The following SREBF1 variants were observed in gnomAD, a reference collection of about 807,000 sequenced individuals.
SREBF1 encodes sterol regulatory element binding transcription factor 1, also known as sterol regulatory element-binding protein 1.
Under a neutral mutation model 100.1 loss-of-function variants are expected in SREBF1, and 45 were observed. The observed-to-expected ratio is 0.45, with a 90% CI of 0.35 to 0.58. SREBF1 has a LOEUF of 0.58. SREBF1 is among the 20% of genes least tolerant of loss of function. The probability of loss-of-function intolerance (pLI) is 0.00; values close to 1 mark genes in which losing one functional copy is unlikely to be tolerated. For synonymous variants in SREBF1, 657 were observed against 681.8 expected, an observed-to-expected ratio of 0.96 and a Z score of 0.57; for missense variants, 1,324 against 1,539.4, an observed-to-expected ratio of 0.86 and a Z score of 2.34.
rs1297571274 is a variant in SREBF1, at chr17:17,815,922, T to A, written c.2321A>T (p.Asp774Val). 1 of 1,612,802 alleles carries A rather than the reference T, an allele frequency of 6.2e-7. No individual in the cohort carries two copies. The highest frequency in any genetic ancestry group is 8.5e-7 in the Non-Finnish European group (1 of 1,179,934). Residue 774 changes from aspartate to valine, a missense_variant, in exon 12 of 19, where the codon GAT becomes GTT. Coordinates refer to ENST00000261646, the MANE Select transcript of SREBF1 (RefSeq NM_004176.5). ...GGTACTGAGCACGGACCAGTCCCCATCCACGAAGAAACGGTGGCCCACGGG... is the reference window on the plus strand; with the variant it reads ...GGTACTGAGCACGGACCAGTCCCCAACCACGAAGAAACGGTGGCCCACGGG... ...CHPVGHRFFV[D>V]GDWSVLSTPW...
Position 17,814,329 on chromosome 17 carries a change from T to A in SREBF1, c.2817A>T (p.Pro939=), listed in dbSNP as rs766620577. The A allele has an allele frequency of 6.3e-7, 1 of 1,590,992 alleles. No homozygotes were observed. The change falls in exon 16 of 19, where the codon CCA becomes CCT. Residue 939 remains proline, a synonymous_variant. Transcript: ENST00000261646. ...CCTTCTCACAGATGGTCAGGCTGGC[T>A]GGACCAGACTCTGCCTTGGCACAGC... ...LLGCAKAESG[P]ASLTICEKAS... is the part of the protein sequence containing the mutation.
chr17:17,821,977 G>A (rs2034134106), intron 1 of SREBF1, among the ~76,000 whole-genome samples: 1 of 152,208 alleles, frequency 6.6e-6, no homozygotes, highest in Non-Finnish European at 1.5e-5. Context: ...AAGAAACTGA[G>A]CTGTAGAGAG....
chr17:17,816,415 C>T (rs1215138978), intron 10 of SREBF1, 42 bp from the exon 11 acceptor site: 3 of 1,600,108 alleles, frequency 1.9e-6, no homozygotes, highest in Non-Finnish European at 2.6e-6. Flanking sequence ...GGAGCACAGG[C>T]AGCAGGGAGC....
At chr17:17,814,545 A>G in intron 15 of SREBF1, 70 bp downstream of exon 15, 6 of 1,535,670 alleles carry the variant, frequency 3.9e-6, no homozygotes, top group Non-Finnish European at 5.2e-6. Context: ...AGGCTGAGTG[A>G]GGCACAGTGC....
intron 1 of SREBF1, among the ~76,000 whole-genome samples, chr17:17,835,896 C>G (rs930047267): frequency 6.6e-6 from 1 of 152,248 alleles, no homozygotes; most frequent in African/African-American, 2.4e-5. Context: ...CCTCTAACTC[C>G]TCACACTTAG....
At position 17,812,041 on chromosome 17, in the gene SREBF1, T is replaced by G; in HGVS notation, c.*581A>C. 1 of 439,148 alleles carries G rather than the reference T, an allele frequency of 2.3e-6. No homozygotes were observed. The highest frequency in any genetic ancestry group is 4.5e-6 in the Non-Finnish European group (1 of 222,362). The allele number at this position is 439,148 out of a possible 1,614,324, so 27.2% of individuals were successfully genotyped here. On this transcript the variant is annotated 3_prime_UTR_variant, in exon 19 of 19. Coordinates refer to ENST00000261646, the MANE Select transcript of SREBF1 (RefSeq NM_004176.5). ...GGGAGGGCCCAAGCACTCTCACTAG[T>G]CAGCACATCCATCAGCTGAAGACAC...
At chr17:17,823,556 G>A (rs762579250) in intron 1 of SREBF1, 1 of 1,613,360 alleles carries the variant, frequency 6.2e-7, no homozygotes, top group South Asian at 1.1e-5. Context: ...ATCTGCGCCC[G>A]CCCTTGGGGC....
At position 17,816,577 on chromosome 17, in the gene SREBF1, G is replaced by A. The variant is rs368205954; in HGVS notation, c.1927C>T (p.Arg643Cys). Residue 643 changes from arginine (R) to cysteine (C), a missense_variant, in exon 10 of 19, where the codon CGC (arginine) becomes TGC (cysteine). Transcript: ENST00000261646. ...CCCCCTGCCCGGCCTGCCAGCCAGC[G>A]GCCCACCCAGAGACGCTGCAGCAGG... ...RHLLQRLWVG[R>C]WLAGRAGGLQ... 4.4e-5 allele frequency: 71 copies of A among 1,606,222 alleles called. No individual in the cohort carries two copies. The highest frequency in any genetic ancestry group is 8.5e-5 in the Admixed American group (5 of 58,796).
chr17:17,825,776 A>C (rs1246196920), intron 1 of SREBF1, among the ~76,000 whole-genome samples: 4 of 151,698 alleles, frequency 2.6e-5, no homozygotes, highest in Non-Finnish European at 5.9e-5. Context: ...CCTGTAATGA[A>C]ATGTAATTTT....
At position 17,816,376 on chromosome 17, in the gene SREBF1, G is replaced by A; in HGVS notation, c.2048-3C>T. The A allele has an allele frequency of 6.3e-7, 1 of 1,591,082 alleles. No homozygotes were observed. Among genetic ancestry groups the A allele is most frequent in the Non-Finnish European group, 8.5e-7 (1 of 1,170,396 alleles). ...GAGGTGCCCGCCTGTGTGCTTCCCT[G>A]GAAGGCAAGCAGGCATGAGGCTGTG... On this transcript the variant is annotated splice_polypyrimidine_tract_variant and splice_region_variant and intron_variant, in intron 10 of 18. Coordinates refer to ENST00000261646, the MANE Select transcript of SREBF1 (RefSeq NM_004176.5).
chr17:17,823,566 C>T (rs765996698), intron 1 of SREBF1: 2 of 1,613,388 alleles, frequency 1.2e-6, no homozygotes, highest in Non-Finnish European at 1.7e-6. Context: ...GCCCTTGGGG[C>T]GTCCAGGCCG....
chr17:17,813,444 C>T lies in SREBF1; in HGVS notation c.3138G>A (p.Ala1046=), dbSNP rs766530772. 31 of 1,604,292 alleles carry T rather than the reference C, an allele frequency of 1.9e-5. No homozygotes were observed. The highest frequency in any genetic ancestry group is 1.8e-4 in the South Asian group (16 of 89,640). Residue 1046 remains alanine, a synonymous_variant, in exon 18 of 19, where the codon GCG becomes GCA. Coordinates refer to ENST00000261646, the MANE Select transcript of SREBF1 (RefSeq NM_004176.5). ...GGTGTGTCCGTGTGGGGCTGGCCCC[C>T]GCCATCAGCCGGGCCGTGGCCTCAT... ...FLHEATARLM[A]GASPTRTHQL... is the part of the protein sequence containing the mutation.
In SREBF1 at chr17:17,812,825, G is replaced by A. The variant is rs1018357217; in HGVS notation, c.3241C>T (p.Pro1081Ser). 4.7e-6 allele frequency: 7 copies of A among 1,477,300 alleles called. No homozygotes were observed. Among genetic ancestry groups the A allele is most frequent in the Non-Finnish European group, 6.2e-6 (7 of 1,121,198 alleles). The allele number at this position is 1,477,300 out of a possible 1,614,324, so 91.5% of individuals were successfully genotyped here. ...GGAVAELEPR[P>S]TRREHAEALL... Reference sequence around the variant, plus strand: ...GCCTCCGCGTGCTCCCGCCGCGTGGGCCGCGGCTCCAGCTCCGCCACCGCG... The same window carrying A: ...GCCTCCGCGTGCTCCCGCCGCGTGGACCGCGGCTCCAGCTCCGCCACCGCG... The change falls in exon 19 of 19, where the codon CCC becomes TCC. Residue 1081 changes from proline to serine, a missense_variant. Transcript: ENST00000261646.
chr17:17,826,300 A>C (rs1346935376), intron 1 of SREBF1, among the ~76,000 whole-genome samples: 2 of 139,274 alleles, frequency 1.4e-5, no homozygotes, highest in South Asian at 2.3e-4. Flanking sequence ...TTTTTTTTTT[A>C]AGGGGAGTTA....
chr17:17,825,248 C>T (rs2034409466), intron 1 of SREBF1, among the ~76,000 whole-genome samples: 1 of 152,262 alleles, frequency 6.6e-6, no homozygotes. Flanking sequence ...CCCATCTTGG[C>T]TTTACCACAT....
intron 16 of SREBF1, chr17:17,814,028 C>A: frequency 1.2e-5 from 8 of 659,822 alleles, no homozygotes; most frequent in Middle Eastern, 4.2e-4. Context: ...CATCCACCCC[C>A]CTCCTCCCAG....
In SREBF1 at chr17:17,819,537, C is replaced by T. The variant is rs1398512812; in HGVS notation, c.711+1G>A. ...CCCAACCCCTGGCCAGACCCCCTCACCGGGACCTGCTGGATCTGCGAGGTC... is the reference window on the plus strand; with the variant it reads ...CCCAACCCCTGGCCAGACCCCCTCATCGGGACCTGCTGGATCTGCGAGGTC... On this transcript the variant is annotated splice_donor_variant, in intron 3 of 18. Coordinates refer to ENST00000261646, the MANE Select transcript of SREBF1 (RefSeq NM_004176.5). LOFTEE classifies it high-confidence loss of function. The T allele has an allele frequency of 1.2e-6, 2 of 1,613,726 alleles. No homozygotes were observed. Among genetic ancestry groups the T allele is most frequent in the African/African-American group, 1.3e-5 (1 of 75,054 alleles).
rs11541608 is a variant in SREBF1, at chr17:17,820,395, G to A, written c.218C>T (p.Ser73Phe). The change falls in exon 2 of 19, where the codon TCT (serine) becomes TTT (phenylalanine). Residue 73 changes from serine (S) to phenylalanine (F), a missense_variant. Coordinates refer to ENST00000261646, the MANE Select transcript of SREBF1 (RefSeq NM_004176.5). ...GGAGCTCAATGTGGCAGGAGGTGGA[G>A]ACAAGCTGCCTGGGGAGCTGGTATC... Reference protein sequence around the residue: ...SPDTSSPGSLSPPPATLSSSL... With the variant: ...SPDTSSPGSLFPPPATLSSSL... 1 of 1,612,666 alleles carries A rather than the reference G, an allele frequency of 6.2e-7. No individual in the cohort carries two copies. The highest frequency in any genetic ancestry group is 1.7e-4 in the Middle Eastern group (1 of 6,054).
intron 5 of SREBF1, chr17:17,818,764 C>T (rs2033851359): frequency 1.7e-6 from 1 of 597,334 alleles, no homozygotes; most frequent in Admixed American, 2.9e-5. Context: ...GTCGGCTCTT[C>T]TTTGAGGGAC....
Sources: allele counts gnomAD v4.1 joint callset (sites outside exome capture counted in the v4.1 genomes callset), GRCh38; gene constraint gnomAD v4.1.1; transcripts MANE v1.5; gene names NCBI Gene and HGNC (gene_info 2026-07-23, HGNC 2026-07-21).